The following IMMP2L variants were observed in gnomAD, a reference collection of about 807,000 sequenced individuals.
IMMP2L encodes inner mitochondrial membrane peptidase subunit 2.
Under a neutral mutation model 19.3 loss-of-function variants are expected in IMMP2L, and 18 were observed. That is an observed-to-expected ratio of 0.93 (90% CI 0.64 to 1.38). The LOEUF is 1.38. Among genes scored for constraint, IMMP2L ranks in the 40% most tolerant of loss-of-function variants. The probability of loss-of-function intolerance (pLI) is 0.00; values close to 1 mark genes in which losing one functional copy is unlikely to be tolerated. For synonymous variants in IMMP2L, 76 were observed against 73.0 expected (o/e 1.04, Z -0.21); for missense variants, 233 against 218.2 (o/e 1.07, Z -0.43).
At position 111,276,215 on chromosome 7, in the gene IMMP2L, T is replaced by C. The variant is rs537853175; in HGVS notation, c.239+211023A>G. 2.0e-5 allele frequency among the ~76,000 whole-genome samples: 3 copies of C among 152,296 alleles called. No homozygotes were observed. In the South Asian group the frequency reaches 6.2e-4, roughly 32 times the overall value. On this transcript the variant is annotated intron_variant, in intron 3 of 5. Coordinates refer to ENST00000405709, the MANE Select transcript of IMMP2L (RefSeq NM_032549.4). Reference sequence around the variant, plus strand: ...TCTATTGAGACGATCATATGGTTTTTGTCCTTAATTCTGTGTCTGTAATGT... The same window carrying C: ...TCTATTGAGACGATCATATGGTTTTCGTCCTTAATTCTGTGTCTGTAATGT...
chr7:110,905,360 T>C (rs182281238), intron 4 of IMMP2L, among the ~76,000 whole-genome samples: 154 of 152,254 alleles, frequency 1.0e-3, no homozygotes, highest in African/African-American at 3.6e-3. Context: ...TTACCATCCT[T>C]AAAATTAGAT....
chr7:110,676,472 T>G (rs1003899181), intron 5 of IMMP2L, among the ~76,000 whole-genome samples: 3 of 152,242 alleles, frequency 2.0e-5, no homozygotes, highest in African/African-American at 7.2e-5. Context: ...AGGCAGAGGT[T>G]CTAGCTCACC....
chr7:111,045,087 G>C (rs968921439), intron 3 of IMMP2L, among the ~76,000 whole-genome samples: 1 of 152,148 alleles, frequency 6.6e-6, no homozygotes, highest in African/African-American at 2.4e-5. Flanking sequence ...ACTGCTAAAA[G>C]CACTCACAGA....
At position 111,343,011 on chromosome 7, in the gene IMMP2L, C is replaced by T. The variant is rs1383386963; in HGVS notation, c.239+144227G>A. Among the ~76,000 whole-genome samples the T allele has an allele frequency of 6.6e-5, 10 of 151,924 alleles. 1 individual carries two copies. The highest frequency in any genetic ancestry group is 1.5e-4 in the Non-Finnish European group (10 of 68,002). On this transcript the variant is annotated intron_variant, in intron 3 of 5. Coordinates refer to ENST00000405709, the MANE Select transcript of IMMP2L (RefSeq NM_032549.4). Reference sequence around the variant, plus strand: ...AGATTCAGTGAGGACCTGTTTATACCACTCCCTGGTAGTTTCAAACAGTCT... The same window carrying T: ...AGATTCAGTGAGGACCTGTTTATACTACTCCCTGGTAGTTTCAAACAGTCT...
At chr7:111,139,501 T>A (rs117684381) in intron 3 of IMMP2L, among the ~76,000 whole-genome samples, 2,030 of 152,232 alleles carry the variant, frequency 0.013, 25 homozygotes, top group Non-Finnish European at 0.017. Flanking sequence ...GAATTATCTA[T>A]GGTGGGAAAA....
At chr7:111,403,157 GT>G (rs985342715) in intron 3 of IMMP2L, among the ~76,000 whole-genome samples, 19 of 151,992 alleles carry the variant, frequency 1.3e-4, no homozygotes, top group African/African-American at 4.6e-4. Context: ...AAGGGACCTG[GT>G]GGGAGGTGAC....
Position 111,561,975 on chromosome 7 carries a change from A to G in IMMP2L, c.-127T>C, listed in dbSNP as rs1792120603. ...ACGTGCTTTAAAATCATGTTGTTCA[A>G]GCCTGACGCTCTCCCACCACCTGCC... is the stretch of plus-strand genomic sequence containing the variant. On this transcript the variant is annotated 5_prime_UTR_variant, in exon 1 of 6. Transcript: ENST00000405709. The G allele has an allele frequency of 6.5e-6, 1 of 152,696 alleles. No individual in the cohort carries two copies. Among genetic ancestry groups the G allele is most frequent in the Non-Finnish European group, 1.5e-5 (1 of 68,154 alleles). The allele number at this position is 152,696 out of a possible 1,614,324, so 9.5% of individuals were successfully genotyped here.
chr7:111,307,849 A>G (rs1823047055), intron 3 of IMMP2L, among the ~76,000 whole-genome samples: 1 of 151,848 alleles, frequency 6.6e-6, no homozygotes, highest in Non-Finnish European at 1.5e-5. Flanking sequence ...GTTAGGTGTA[A>G]ATCCAGTAAT....
At chr7:110,779,416 C>T (rs1220860251) in intron 5 of IMMP2L, among the ~76,000 whole-genome samples, 2 of 151,928 alleles carry the variant, frequency 1.3e-5, no homozygotes, top group African/African-American at 4.8e-5. Flanking sequence ...GGTCAGCAGG[C>T]ACTGTTCTTA....
At chr7:111,097,631 T>C (rs1231274524) in intron 3 of IMMP2L, among the ~76,000 whole-genome samples, 2 of 151,944 alleles carry the variant, frequency 1.3e-5, no homozygotes, top group Non-Finnish European at 2.9e-5. Context: ...TTTTCAAACA[T>C]ACAATTCATG....
chr7:111,011,503 C>T (rs550710266), intron 3 of IMMP2L, among the ~76,000 whole-genome samples: 2 of 152,102 alleles, frequency 1.3e-5, no homozygotes, highest in African/African-American at 4.8e-5. Context: ...CTTACTATGT[C>T]ATTACTCTGA....
rs150716973 is a variant in IMMP2L at position 111,125,569 on chromosome 7, T to C, written c.240-162004A>G. The C allele has an allele frequency of 3.0e-3, 487 of 160,084 alleles. 1 individual carries two copies. Among genetic ancestry groups the C allele is most frequent in the Admixed American group, 5.6e-3 (85 of 15,294 alleles). 9.9% of individuals were successfully genotyped at this position (160,084 alleles called of 1,614,324 possible). ...TTCTTGGGTGATGGGACTACCTACA[T>C]TTTTATAAAGCCTCAAATATGGATT... is the stretch of plus-strand genomic sequence containing the variant. On this transcript the variant is annotated intron_variant, in intron 3 of 5. Transcript: ENST00000405709.
intron 3 of IMMP2L, among the ~76,000 whole-genome samples, chr7:110,965,295 A>G (rs563468969): frequency 6.6e-6 from 1 of 152,190 alleles, no homozygotes; most frequent in East Asian, 1.9e-4. Context: ...TTTAAAAGGA[A>G]TGTAAATGTG....
intron 3 of IMMP2L, among the ~76,000 whole-genome samples, chr7:111,463,257 A>T (rs945981974): frequency 6.6e-6 from 1 of 151,982 alleles, no homozygotes; most frequent in African/African-American, 2.4e-5. Flanking sequence ...CATACAAATG[A>T]CACCTCATTT....
At chr7:110,884,287 T>C (rs1809989024) in intron 5 of IMMP2L, among the ~76,000 whole-genome samples, 1 of 151,920 alleles carries the variant, frequency 6.6e-6, no homozygotes, top group Non-Finnish European at 1.5e-5. Flanking sequence ...ACTAATTTCT[T>C]TCACAGAGAA....
At chr7:111,275,268 C>T (rs1373933204) in intron 3 of IMMP2L, among the ~76,000 whole-genome samples, 1 of 152,134 alleles carries the variant, frequency 6.6e-6, no homozygotes, top group African/African-American at 2.4e-5. Context: ...CCAAATGCTT[C>T]TCTACAAATA....
chr7:111,404,624 T>G (rs1833761210), intron 3 of IMMP2L, among the ~76,000 whole-genome samples: 1 of 152,158 alleles, frequency 6.6e-6, no homozygotes. Flanking sequence ...CTATACTTTT[T>G]ATCCATTTGA....
intron 3 of IMMP2L, among the ~76,000 whole-genome samples, chr7:111,227,442 G>A (rs1346146735): frequency 6.6e-6 from 1 of 151,994 alleles, no homozygotes; most frequent in East Asian, 1.9e-4. Flanking sequence ...TTTAAGCTTC[G>A]ACTATAAGGA....
At chr7:110,847,910 C>A (rs1012423788) in intron 5 of IMMP2L, among the ~76,000 whole-genome samples, 1 of 152,064 alleles carries the variant, frequency 6.6e-6, no homozygotes, top group Non-Finnish European at 1.5e-5. Context: ...CAAAAATTAA[C>A]TCAAAATCAA....
Sources: allele counts gnomAD v4.1 joint callset (sites outside exome capture counted in the v4.1 genomes callset), GRCh38; gene constraint gnomAD v4.1.1; transcripts MANE v1.5; gene names NCBI Gene and HGNC (gene_info 2026-07-23, HGNC 2026-07-21).